The following IBTK variants were observed in gnomAD, a reference collection of about 807,000 sequenced individuals.
The protein encoded by IBTK is inhibitor of Bruton tyrosine kinase.
Under a neutral mutation model 154.9 loss-of-function variants are expected in IBTK, and 83 were observed. The ratio of observed to expected loss-of-function variants is 0.54; its 90% CI spans 0.45 to 0.64. The LOEUF (loss-of-function observed/expected upper bound fraction) is 0.64. IBTK is among the 30% of genes least tolerant of loss of function. The pLI is 0.00. For synonymous variants in IBTK, 515 were observed against 536.1 expected (o/e 0.96, Z 0.54); for missense variants, 1,332 against 1,584.6 (o/e 0.84, Z 2.71).
chr6:82,181,660 T>TTAAA (rs147217758), intron 26 of IBTK, among the ~76,000 whole-genome samples: 36,350 of 151,882 alleles, frequency 0.24, 4,352 homozygotes, highest in African/African-American at 0.28. Context: ...AATGTATACT[T>TTAAA]TAAATATACG....
At chr6:82,229,110 C>T (rs1161713848) in intron 4 of IBTK, among the ~76,000 whole-genome samples, 1 of 152,004 alleles carries the variant, frequency 6.6e-6, no homozygotes, top group East Asian at 1.9e-4. Context: ...ATTAATATTC[C>T]CATACTTGCT....
At chr6:82,201,142 C>T (rs112999519) in intron 19 of IBTK, among the ~76,000 whole-genome samples, 16 of 151,998 alleles carry the variant, frequency 1.1e-4, no homozygotes, top group African/African-American at 2.7e-4. Flanking sequence ...TGTTTTTGCA[C>T]GGTCCTGACC....
rs768352039 is a variant in IBTK, at chr6:82,218,136, A to C, written c.1250T>G (p.Val417Gly). The C allele has an allele frequency of 6.5e-7, 1 of 1,549,182 alleles. No homozygotes were observed. The highest frequency in any genetic ancestry group is 8.7e-7 in the Non-Finnish European group (1 of 1,151,316). Residue 417 changes from valine to glycine, a missense_variant and splice_region_variant, in exon 10 of 29, where the codon GTG becomes GGG. Val to Gly is a moderately radical substitution (Grantham distance 109, BLOSUM62 -3). Transcript: ENST00000306270. ...ACTGTTGACTGATCTCCAGCAAAACACCTAAAACAAAACCAAATCACATTG... is the reference window on the plus strand; with the variant it reads ...ACTGTTGACTGATCTCCAGCAAAACCCCTAAAACAAAACCAAATCACATTG... ...CILAMDGAGR[V>G]FCWRSVNSSL...
intron 25 of IBTK, among the ~76,000 whole-genome samples, chr6:82,188,324 T>G (rs949991233): frequency 6.6e-6 from 1 of 152,226 alleles, no homozygotes; most frequent in African/African-American, 2.4e-5. Context: ...TTTGGTTGAT[T>G]GGTTTATTTT....
intron 18 of IBTK, 81 bp downstream of exon 18, chr6:82,202,447 A>G: frequency 1.3e-6 from 1 of 790,650 alleles, no homozygotes; most frequent in South Asian, 1.6e-5. Context: ...CATTATTCAC[A>G]TTTAAATCAC....
At chr6:82,247,447 CCCGCGCCGCCGT>C (rs1179624061) in intron 1 of IBTK, 103 bp downstream of exon 1, 1 of 396,106 alleles carries the variant, frequency 2.5e-6, no homozygotes, top group Non-Finnish European at 4.4e-6. Flanking sequence ...CCACGGTCCC[CCCGCGCCGCCGT>C]CCGCAGCCAC....
intron 23 of IBTK, 125 bp from the exon 24 acceptor site, chr6:82,192,004 T>G (rs1249888505): frequency 1.7e-6 from 1 of 580,116 alleles, no homozygotes; most frequent in African/African-American, 1.9e-5. Context: ...ATTTATCAGC[T>G]GTGAGCCAGT....
chr6:82,230,006 A>G (rs530199351), intron 4 of IBTK, among the ~76,000 whole-genome samples: 1 of 152,306 alleles, frequency 6.6e-6, no homozygotes, highest in South Asian at 2.1e-4. Context: ...TATAGTGGTC[A>G]TATTATTTAT....
chr6:82,224,328 A>T (rs1261930077), intron 6 of IBTK, 143 bp from the exon 7 acceptor site: 2 of 631,222 alleles, frequency 3.2e-6, no homozygotes, highest in Non-Finnish European at 5.6e-6. Context: ...TCACTAACAG[A>T]TCTCAGCACT....
rs1312511735 is a variant in IBTK at position 82,224,186 on chromosome 6, C to A, written c.826-1G>T. 1 of 1,607,206 alleles carries A rather than the reference C, an allele frequency of 6.2e-7. No homozygotes were observed. The highest frequency in any genetic ancestry group is 8.5e-7 in the Non-Finnish European group (1 of 1,174,066). ...TTCCTTTCAGATATTTTGCCTGTATCTATTTAAAGACAAATAAAACTGCAA... is the reference window on the plus strand; with the variant it reads ...TTCCTTTCAGATATTTTGCCTGTATATATTTAAAGACAAATAAAACTGCAA... On this transcript the variant is annotated splice_acceptor_variant, in intron 6 of 28. Coordinates refer to ENST00000306270, the MANE Select transcript of IBTK (RefSeq NM_015525.4). LOFTEE classifies it high-confidence loss of function.
intron 13 of IBTK, among the ~76,000 whole-genome samples, chr6:82,211,953 A>G (rs1178221300): frequency 6.6e-6 from 1 of 152,206 alleles, no homozygotes; most frequent in African/African-American, 2.4e-5. Flanking sequence ...ATCCTTCTCC[A>G]AAACCTTTTC....
chr6:82,183,489 A>G (rs943338058), intron 25 of IBTK, among the ~76,000 whole-genome samples: 1 of 152,226 alleles, frequency 6.6e-6, no homozygotes, highest in Admixed American at 6.5e-5. Flanking sequence ...TTGACAATTT[A>G]CATGGAATAG....
intron 2 of IBTK, among the ~76,000 whole-genome samples, chr6:82,238,795 G>A (rs949618417): frequency 1.3e-5 from 2 of 151,862 alleles, no homozygotes; most frequent in African/African-American, 4.8e-5. Context: ...CTGGAGTGCA[G>A]TGACACGATC....
chr6:82,179,346 G>A (rs570764816), intron 26 of IBTK, among the ~76,000 whole-genome samples: 1 of 152,250 alleles, frequency 6.6e-6, no homozygotes, highest in African/African-American at 2.4e-5. Flanking sequence ...TGGGTATGAG[G>A]AAAACATTAA....
intron 3 of IBTK, among the ~76,000 whole-genome samples, chr6:82,232,511 T>G (rs76134694): frequency 6.6e-6 from 1 of 152,160 alleles, no homozygotes; most frequent in African/African-American, 2.4e-5. Flanking sequence ...ATGAATAAAG[T>G]CTTAGAATGG....
At chr6:82,207,391 T>A (rs1449329696) in intron 16 of IBTK, among the ~76,000 whole-genome samples, 1 of 152,076 alleles carries the variant, frequency 6.6e-6, no homozygotes, top group Non-Finnish European at 1.5e-5. Context: ...GCTTGTACAC[T>A]GAAAACTACA....
At chr6:82,219,445 AG>A (rs898164024) in intron 9 of IBTK, among the ~76,000 whole-genome samples, 1 of 152,176 alleles carries the variant, frequency 6.6e-6, no homozygotes, top group Non-Finnish European at 1.5e-5. Flanking sequence ...TAATTTGATA[AG>A]TAAAACCAGA....
At chr6:82,217,286 C>A (rs1035525451) in intron 10 of IBTK, among the ~76,000 whole-genome samples, 1 of 152,128 alleles carries the variant, frequency 6.6e-6, no homozygotes, top group African/African-American at 2.4e-5. Flanking sequence ...GTTACTCCCA[C>A]AAATTAACTC....
At chr6:82,242,159 TGG>T (rs1192184210) in intron 1 of IBTK, among the ~76,000 whole-genome samples, 1 of 151,650 alleles carries the variant, frequency 6.6e-6, no homozygotes, top group Non-Finnish European at 1.5e-5. Flanking sequence ...CACCTGAGGT[TGG>T]GAGTTTGAGA....
Sources: allele counts gnomAD v4.1 joint callset (sites outside exome capture counted in the v4.1 genomes callset), GRCh38; gene constraint gnomAD v4.1.1; transcripts MANE v1.5; gene names NCBI Gene and HGNC (gene_info 2026-07-23, HGNC 2026-07-21).